The following ARHGAP36 variants were observed in gnomAD, a reference collection of about 807,000 sequenced individuals.
The protein encoded by ARHGAP36 is Rho GTPase activating protein 36.
In ARHGAP36, 7 loss-of-function variants were observed where a neutral mutation model predicts 32.9. The observed-to-expected ratio is 0.21, with a 90% CI of 0.12 to 0.40. The LOEUF is 0.40. ARHGAP36 is among the 10% of genes least tolerant of loss of function. ARHGAP36 has a pLI of 1.00. For missense variants in ARHGAP36, 383 were observed against 442.2 expected (o/e 0.87, Z 1.20); for synonymous variants, 165 against 168.3 (o/e 0.98, Z 0.15).
At chrX:131,058,986 C>A (rs1398639459) in intron 1 of ARHGAP36, among the ~76,000 whole-genome samples, 2 of 112,377 alleles carry the variant, frequency 1.8e-5, no homozygotes, top group African/African-American at 6.5e-5. Flanking sequence ...CAAGGTTACC[C>A]AACAGGTTGG....
chrX:131,084,479 G>T, intron 5 of ARHGAP36, 72 bp downstream of exon 5: 2 of 1,147,595 alleles, frequency 1.7e-6, no homozygotes, highest in South Asian at 2.0e-5. Context: ...GAAATGGGGG[G>T]AGAAAAGAGG....
chrX:131,075,623 ATGTGTGTG>A (rs5903808), intron 1 of ARHGAP36, among the ~76,000 whole-genome samples: 6 of 98,141 alleles, frequency 6.1e-5, no homozygotes, highest in South Asian at 5.1e-4. Context: ...GTGTATATAT[ATGTGTGTG>A]TGTGTGTGTG....
intron 1 of ARHGAP36, among the ~76,000 whole-genome samples, chrX:131,062,289 CTA>C (rs1209220833): frequency 8.9e-6 from 1 of 112,011 alleles, no homozygotes; most frequent in Non-Finnish European, 1.9e-5. Flanking sequence ...TTATTTTTCT[CTA>C]TGTTTTCTAA....
chrX:131,068,476 C>G (rs969876879), intron 1 of ARHGAP36, among the ~76,000 whole-genome samples: 38 of 112,026 alleles, frequency 3.4e-4, no homozygotes, highest in Non-Finnish European at 5.8e-4. Flanking sequence ...CAGGCGGAAC[C>G]CAGGAAAACA....
chrX:131,083,288 G>A, intron 3 of ARHGAP36, 58 bp downstream of exon 3: 1 of 1,106,124 alleles, frequency 9.0e-7, no homozygotes, highest in African/African-American at 1.8e-5. Flanking sequence ...CCCCTGTGTA[G>A]TGTGGCCCTG....
intron 1 of ARHGAP36, among the ~76,000 whole-genome samples, chrX:131,069,963 C>T (rs2079724506): frequency 8.9e-6 from 1 of 112,323 alleles, no homozygotes; most frequent in Non-Finnish European, 1.9e-5. Flanking sequence ...ACAGTGCAAG[C>T]GCTATACAGG....
intron 1 of ARHGAP36, among the ~76,000 whole-genome samples, chrX:131,060,674 G>C (rs1260431766): frequency 8.9e-6 from 1 of 112,173 alleles, no homozygotes; most frequent in Non-Finnish European, 1.9e-5. Flanking sequence ...TTTCTAGTCT[G>C]GTGGTACCTG....
intron 3 of ARHGAP36, 124 bp from the exon 4 acceptor site, chrX:131,083,610 G>T: frequency 2.9e-6 from 2 of 685,339 alleles, no homozygotes; most frequent in East Asian, 6.4e-5. Flanking sequence ...GGGGCGCTGC[G>T]GTTCTGGAGA....
rs1210861059 is a variant in ARHGAP36 at position 131,083,812 on chromosome X, T to G, written c.398T>G (p.Leu133Arg). Residue 133 changes from leucine (L) to arginine (R), a missense_variant, in exon 4 of 12, where the codon CTG (leucine) becomes CGG (arginine). By Grantham distance (102) the Leu-to-Arg change is moderately radical (BLOSUM62 -2). Coordinates refer to ENST00000276211, the MANE Select transcript of ARHGAP36 (RefSeq NM_144967.4). ...TTTACCCGCCGCAAGCATCTTGAAC[T>G]GACAGCCACGATGCAGGTTGAAGAA... ...NEFTRRKHLE[L>R]TATMQVEEAT... The G allele has an allele frequency of 8.2e-7, 1 of 1,212,395 alleles. No homozygotes were observed. The highest frequency in any genetic ancestry group is 1.8e-5 in the South Asian group (1 of 57,024).
At chrX:131,064,115 A>G (rs1431325267) in intron 1 of ARHGAP36, among the ~76,000 whole-genome samples, 3 of 111,671 alleles carry the variant, frequency 2.7e-5, no homozygotes, top group African/African-American at 9.8e-5. Flanking sequence ...GCCAGGAAAT[A>G]GTCATGCTTT....
chrX:131,085,332 T>C (rs1317913430), intron 7 of ARHGAP36, among the ~76,000 whole-genome samples: 1 of 107,670 alleles, frequency 9.3e-6, no homozygotes, highest in African/African-American at 3.4e-5. Flanking sequence ...CTAGAGCTTC[T>C]TGAAGATGTG....
Position 131,086,337 on chromosome X carries a change from C to T in ARHGAP36, c.1290C>T (p.Pro430=), listed in dbSNP as rs2079835299. ...GCTAATTCTACCCTCAGGTGCCTCCCCATATTCAGAGGCAGGTTGCTAAGC... is the reference window on the plus strand; with the variant it reads ...GCTAATTCTACCCTCAGGTGCCTCCTCATATTCAGAGGCAGGTTGCTAAGC... The part of the protein sequence containing the change: ...DNWDVLFQVP[P]HIQRQVAKRV... Residue 430 remains proline (P), a synonymous_variant, in exon 10 of 12, where the codon CCC becomes CCT. Transcript: ENST00000276211. 3 of 1,209,103 alleles carry T rather than the reference C, an allele frequency of 2.5e-6. No homozygotes were observed. Among genetic ancestry groups the T allele is most frequent in the African/African-American group, 3.5e-5 (2 of 57,075 alleles).
At position 131,084,670 on chromosome X, in the gene ARHGAP36, C is replaced by A; in HGVS notation, c.793C>A (p.Arg265=). ...GIFTLEYSVQ[R]VRQLREEFDQ... The stretch of plus-strand genomic sequence containing the variant: ...TTTTACCCTTGAATACTCCGTGCAG[C>A]GAGTGCGTCAGGTAAATTGGCTATG... Residue 265 remains arginine (R), a synonymous_variant, in exon 6 of 12, where the codon CGA becomes AGA. Coordinates refer to ENST00000276211, the MANE Select transcript of ARHGAP36 (RefSeq NM_144967.4). 1.7e-6 allele frequency: 2 copies of A among 1,211,598 alleles called. No homozygotes were observed. The highest frequency in any genetic ancestry group is 1.7e-5 in the African/African-American group (1 of 57,803).
At chrX:131,085,823 G>A (rs1457926316) in intron 8 of ARHGAP36, 87 bp downstream of exon 8, 1 of 1,177,006 alleles carries the variant, frequency 8.5e-7, no homozygotes, top group Non-Finnish European at 1.1e-6. Context: ...GGAGAGGAGA[G>A]AGAGAAACAA....
chrX:131,078,521 G>A (rs182842381), intron 1 of ARHGAP36, among the ~76,000 whole-genome samples: 1 of 112,118 alleles, frequency 8.9e-6, no homozygotes, highest in East Asian at 2.8e-4. Flanking sequence ...GAGCAAGAGA[G>A]GTCTCTTGGC....
intron 2 of ARHGAP36, among the ~76,000 whole-genome samples, chrX:131,082,368 G>C (rs7065175): frequency 0.22 from 24,819 of 112,095 alleles, 3,175 homozygotes; most frequent in African/African-American, 0.44. Flanking sequence ...GCTCCTAGCC[G>C]GGCGGTGAAC....
chrX:131,081,794 C>G lies in ARHGAP36; in HGVS notation c.129C>G (p.Pro43=), dbSNP rs150725005. Residue 43 remains proline (P), a synonymous_variant, in exon 2 of 12, where the codon CCC becomes CCG. Transcript: ENST00000276211. The stretch of plus-strand genomic sequence containing the variant: ...TGGGAGGAGCCCCAGGACACAACCC[C>G]GACCGCAGGACGAAGATGGTATCGA... ...SVLGGAPGHN[P]DRRTKMVSIH... 1.4e-3 allele frequency: 1,734 copies of G among 1,210,447 alleles called. 1 individual carries two copies. Among genetic ancestry groups the G allele is most frequent in the Non-Finnish European group, 1.8e-3 (1,572 of 895,385 alleles).
chrX:131,079,555 GTTTTTTGT>G (rs1304633347), intron 1 of ARHGAP36, among the ~76,000 whole-genome samples: 7 of 58,397 alleles, frequency 1.2e-4, no homozygotes, highest in African/African-American at 3.9e-4. Context: ...TTTGTTTTTT[GTTTTTTGT>G]TTTTTTTTTT....
intron 4 of ARHGAP36, 76 bp downstream of exon 4, chrX:131,084,045 C>T (rs1165211492): frequency 7.2e-6 from 8 of 1,113,578 alleles, no homozygotes; most frequent in Non-Finnish European, 9.7e-6. Flanking sequence ...AGGATCAAGG[C>T]CTGTGCCCTC....
Sources: allele counts gnomAD v4.1 joint callset (sites outside exome capture counted in the v4.1 genomes callset), GRCh38; gene constraint gnomAD v4.1.1; transcripts MANE v1.5; gene names NCBI Gene and HGNC (gene_info 2026-07-23, HGNC 2026-07-21).